Variants in DYNC1I1 observed in about 807,000 individuals in gnomAD.
DYNC1I1 encodes dynein cytoplasmic 1 intermediate chain 1, also known as cytoplasmic dynein 1 intermediate chain 1.
A neutral mutation model predicts 86.6 loss-of-function variants in DYNC1I1; 43 were observed. The ratio of observed to expected loss-of-function variants is 0.50; its 90% CI spans 0.39 to 0.64. The LOEUF (loss-of-function observed/expected upper bound fraction) is 0.64. Among genes scored for constraint, DYNC1I1 ranks in the 30% least tolerant of loss-of-function variants. The probability of loss-of-function intolerance (pLI) is 0.00; values close to 1 mark genes in which losing one functional copy is unlikely to be tolerated. For synonymous variants in DYNC1I1, 262 were observed against 283.7 expected (o/e 0.92, Z 0.77); for missense variants, 604 against 788.8 (o/e 0.77, Z 2.81).
At chr7:96,020,735 G>A (rs1794525603) in intron 10 of DYNC1I1, among the ~76,000 whole-genome samples, 1 of 152,158 alleles carries the variant, frequency 6.6e-6, no homozygotes, top group Non-Finnish European at 1.5e-5. Context: ...ATTCACAATA[G>A]CCAGAAAGTG....
Position 95,984,821 on chromosome 7 carries a change from C to T in DYNC1I1, c.587C>T (p.Pro196Leu), listed in dbSNP as rs1303656370. 6.2e-7 allele frequency: 1 copy of T among 1,603,160 alleles called. No individual in the cohort carries two copies. The highest frequency in any genetic ancestry group is 8.5e-7 in the Non-Finnish European group (1 of 1,176,974). Residue 196 changes from proline (P) to leucine (L), a missense_variant, in exon 8 of 17, where the codon CCA becomes CTA. Pro to Leu is a moderately conservative substitution (Grantham distance 98). Transcript: ENST00000447467. ...DKKQEVKEAP[P>L]RELTEEEKQQ... is the part of the protein sequence containing the mutation. ...AAAAAATAAATAAATAAAGCCCCTC[C>T]AAGAGAGTTGACAGAGGAAGAAAAA... is the stretch of plus-strand genomic sequence containing the variant.
intron 5 of DYNC1I1, among the ~76,000 whole-genome samples, chr7:95,833,516 G>T (rs1364497558): frequency 1.5e-5 from 2 of 136,248 alleles, no homozygotes; most frequent in African/African-American, 5.5e-5. Context: ...GAAAGTCATT[G>T]GTAGCTTGAT....
chr7:95,823,002 C>G (rs1427631617), intron 4 of DYNC1I1, among the ~76,000 whole-genome samples: 3 of 152,164 alleles, frequency 2.0e-5, no homozygotes, highest in African/African-American at 7.2e-5. Flanking sequence ...ATCACCTACT[C>G]TAGTCCCAAA....
At chr7:95,913,878 A>G (rs529866804) in intron 6 of DYNC1I1, among the ~76,000 whole-genome samples, 2 of 152,348 alleles carry the variant, frequency 1.3e-5, no homozygotes, top group South Asian at 4.1e-4. Context: ...GAACACTGGG[A>G]TAAATGAAGG....
intron 6 of DYNC1I1, among the ~76,000 whole-genome samples, chr7:95,926,670 T>A (rs1281253980): frequency 6.6e-6 from 1 of 152,176 alleles, no homozygotes; most frequent in Non-Finnish European, 1.5e-5. Context: ...CGTGGTTAGA[T>A]GAATAAAAGG....
At chr7:95,923,624 A>G (rs1192008930) in intron 6 of DYNC1I1, among the ~76,000 whole-genome samples, 1 of 152,122 alleles carries the variant, frequency 6.6e-6, no homozygotes, top group East Asian at 1.9e-4. Flanking sequence ...GTACTCAAAC[A>G]ATCATTTTTG....
chr7:95,838,909 A>G (rs1370050135), intron 5 of DYNC1I1, among the ~76,000 whole-genome samples: 2 of 152,310 alleles, frequency 1.3e-5, no homozygotes, highest in African/African-American at 2.4e-5. Flanking sequence ...AGGTCATGTC[A>G]TCTACAAAAA....
At chr7:95,942,138 G>T (rs1792243639) in intron 6 of DYNC1I1, among the ~76,000 whole-genome samples, 1 of 152,058 alleles carries the variant, frequency 6.6e-6, no homozygotes. Flanking sequence ...GACTAATAAA[G>T]AAGAAAAGAG....
intron 7 of DYNC1I1, among the ~76,000 whole-genome samples, chr7:95,982,271 G>C (rs1793476851): frequency 6.6e-6 from 1 of 152,142 alleles, no homozygotes; most frequent in African/African-American, 2.4e-5. Context: ...TTTGATCCCT[G>C]TTTGACATCA....
At position 96,022,335 on chromosome 7, in the gene DYNC1I1, A is replaced by G. The variant is rs77649696; in HGVS notation, c.970-5840A>G. On this transcript the variant is annotated intron_variant, in intron 10 of 16. Coordinates refer to ENST00000447467, the MANE Select transcript of DYNC1I1 (RefSeq NM_001135556.2). ...ATTCCAAGGAATTCTCAGAAAGGTT[A>G]TCAGGATGATGGGTTTCTAATCTAT... is the stretch of plus-strand genomic sequence containing the variant. Among the ~76,000 whole-genome samples the G allele has an allele frequency of 3.5e-4, 54 of 152,340 alleles. No individual in the cohort carries two copies. In the East Asian group the frequency reaches 0.01, roughly 29 times the overall value.
chr7:95,860,429 A>T (rs1318065766), intron 5 of DYNC1I1, among the ~76,000 whole-genome samples: 1 of 152,230 alleles, frequency 6.6e-6, no homozygotes, highest in Non-Finnish European at 1.5e-5. Context: ...AGTACTAGGA[A>T]AATCTATGGC....
intron 10 of DYNC1I1, among the ~76,000 whole-genome samples, chr7:96,019,466 G>T (rs143302546): frequency 6.6e-6 from 1 of 151,526 alleles, no homozygotes; most frequent in East Asian, 1.9e-4. Context: ...TGCCCCAGTC[G>T]CACCCCCAGA....
intron 1 of DYNC1I1, among the ~76,000 whole-genome samples, chr7:95,779,313 A>G (rs1275311947): frequency 2.0e-5 from 3 of 152,194 alleles, no homozygotes; most frequent in African/African-American, 7.2e-5. Flanking sequence ...GGCATGATAA[A>G]GTAATGAGAA....
intron 6 of DYNC1I1, among the ~76,000 whole-genome samples, chr7:95,882,627 CAGCCTAGGTAAATTCAT>C (rs1314706300): frequency 1.3e-5 from 2 of 152,182 alleles, no homozygotes; most frequent in Non-Finnish European, 1.5e-5. Context: ...CTAGAAGTGT[CAGCCTAGGTAAATTCAT>C]GTTCATCTGG....
chr7:95,787,408 G>A (rs149028184), intron 1 of DYNC1I1, among the ~76,000 whole-genome samples: 3 of 152,144 alleles, frequency 2.0e-5, no homozygotes, highest in Admixed American at 2.0e-4. Flanking sequence ...AAAGGACTGG[G>A]AAGGGAGGCA....
intron 3 of DYNC1I1, among the ~76,000 whole-genome samples, chr7:95,812,980 A>G (rs1487520282): frequency 6.6e-6 from 1 of 152,096 alleles, no homozygotes; most frequent in African/African-American, 2.4e-5. Context: ...GCTTCATTTT[A>G]CTTTGTTAGG....
At chr7:95,968,187 G>GAA (rs779367696) in intron 6 of DYNC1I1, among the ~76,000 whole-genome samples, 4 of 137,638 alleles carry the variant, frequency 2.9e-5, no homozygotes, top group African/African-American at 8.0e-5. Flanking sequence ...GGCCTTAACC[G>GAA]AAAAAAAAAA....
At chr7:95,918,719 C>G (rs319329) in intron 6 of DYNC1I1, among the ~76,000 whole-genome samples, 103,504 of 152,076 alleles carry the variant, frequency 0.68, 36,042 homozygotes, top group African/African-American at 0.83. Flanking sequence ...GGCCTTAAGG[C>G]GAAAATTTAT....
At chr7:96,109,493 C>A (rs1336550847) in intron 16 of DYNC1I1, among the ~76,000 whole-genome samples, 1 of 151,610 alleles carries the variant, frequency 6.6e-6, no homozygotes, top group African/African-American at 2.4e-5. Context: ...TGATTTGAGA[C>A]CTTCCATCTT....
Sources: allele counts gnomAD v4.1 joint callset (sites outside exome capture counted in the v4.1 genomes callset), GRCh38; gene constraint gnomAD v4.1.1; transcripts MANE v1.5; gene names NCBI Gene and HGNC (gene_info 2026-07-23, HGNC 2026-07-21).